The following ADGRA3 variants were observed in gnomAD, a reference collection of about 807,000 sequenced individuals.
The protein encoded by ADGRA3 is adhesion G protein-coupled receptor A3.
A neutral mutation model predicts 119.8 loss-of-function variants in ADGRA3; 56 were observed. The observed-to-expected ratio is 0.47, with a 90% CI of 0.38 to 0.58. The LOEUF (loss-of-function observed/expected upper bound fraction) is 0.58, where lower values mean the gene tolerates loss of function less well. Ranked by LOEUF, ADGRA3 falls within the 20% of genes least tolerant of loss-of-function variation. ADGRA3 has a pLI of 0.00. For synonymous variants in ADGRA3, 607 were observed against 623.8 expected, an observed-to-expected ratio of 0.97 and a Z score of 0.40; for missense variants, 1,516 against 1,649.0, an observed-to-expected ratio of 0.92 and a Z score of 1.40.
chr4:22,513,581 G>C (rs1055183582), intron 1 of ADGRA3, among the ~76,000 whole-genome samples: 7 of 148,102 alleles, frequency 4.7e-5, no homozygotes, highest in African/African-American at 1.0e-4. Flanking sequence ...GTGCGATTTC[G>C]GCTCACTGCA....
chr4:22,430,655 T>C (rs1044134187), intron 10 of ADGRA3, among the ~76,000 whole-genome samples: 1 of 150,072 alleles, frequency 6.7e-6, no homozygotes, highest in African/African-American at 2.5e-5. Flanking sequence ...GACAATGTGA[T>C]AGAAAAAAAA....
chr4:22,489,113 C>T (rs975156779), intron 1 of ADGRA3, among the ~76,000 whole-genome samples: 13 of 152,032 alleles, frequency 8.6e-5, no homozygotes, highest in African/African-American at 2.7e-4. Context: ...CTGGGGAGGC[C>T]TCATAATCAT....
intron 2 of ADGRA3, among the ~76,000 whole-genome samples, chr4:22,462,938 G>T (rs1227445477): frequency 2.0e-5 from 3 of 152,168 alleles, no homozygotes; most frequent in Non-Finnish European, 2.9e-5. Context: ...GACCTCTGTG[G>T]AGAGCTGACA....
At chr4:22,401,986 C>T (rs763787632) in intron 15 of ADGRA3, among the ~76,000 whole-genome samples, 7 of 152,056 alleles carry the variant, frequency 4.6e-5, no homozygotes, top group South Asian at 2.1e-4. Context: ...TCTTCCTGGA[C>T]TTTCATAATA....
chr4:22,507,484 T>TAC (rs1719283667), intron 1 of ADGRA3, among the ~76,000 whole-genome samples: 1 of 152,188 alleles, frequency 6.6e-6, no homozygotes, highest in Non-Finnish European at 1.5e-5. Context: ...CAGGAGTTTT[T>TAC]ACTTCTGTCT....
chr4:22,462,180 A>T (rs150408963), intron 2 of ADGRA3, among the ~76,000 whole-genome samples: 180 of 152,364 alleles, frequency 1.2e-3, no homozygotes, highest in African/African-American at 4.1e-3. Flanking sequence ...TACAATTGTG[A>T]CAAACATCAT....
intron 2 of ADGRA3, among the ~76,000 whole-genome samples, chr4:22,468,286 T>A (rs1717735118): frequency 6.6e-6 from 1 of 152,142 alleles, no homozygotes; most frequent in South Asian, 2.1e-4. Context: ...ACAGACTCTG[T>A]CAATAGCTGG....
intron 16 of ADGRA3, among the ~76,000 whole-genome samples, chr4:22,396,162 T>C (rs1389798200): frequency 6.6e-6 from 1 of 152,152 alleles, no homozygotes; most frequent in African/African-American, 2.4e-5. Flanking sequence ...TTGCACTTCG[T>C]CACTCAACTT....
chr4:22,497,083 T>C (rs1718854535), intron 1 of ADGRA3, among the ~76,000 whole-genome samples: 1 of 152,170 alleles, frequency 6.6e-6, no homozygotes, highest in South Asian at 2.1e-4. Context: ...AAAACAAGCC[T>C]GCCCACTTAG....
Position 22,391,275 on chromosome 4 carries a change from C to T in ADGRA3, c.2627+1270G>A, listed in dbSNP as rs149674903. Among the ~76,000 whole-genome samples, 400 of 152,208 alleles carry T rather than the reference C, an allele frequency of 2.6e-3. 3 individuals are homozygous for T. The highest frequency in any genetic ancestry group is 8.9e-3 in the African/African-American group (370 of 41,532). Reference sequence around the variant, plus strand: ...AATGTAAACATTCCACAAGAAAGTACTGAGGAGCCTGCCACCCCATTTCCC... The same window carrying T: ...AATGTAAACATTCCACAAGAAAGTATTGAGGAGCCTGCCACCCCATTTCCC... On this transcript the variant is annotated intron_variant, in intron 17 of 18. Transcript: ENST00000334304.
At chr4:22,509,266 G>A (rs899007374) in intron 1 of ADGRA3, among the ~76,000 whole-genome samples, 2 of 152,032 alleles carry the variant, frequency 1.3e-5, no homozygotes, top group Non-Finnish European at 2.9e-5. Context: ...ACTTTGGGAG[G>A]CCGAGGCGGG....
At chr4:22,435,146 A>G (rs1716342959) in intron 10 of ADGRA3, among the ~76,000 whole-genome samples, 165 bp downstream of exon 10, 1 of 152,226 alleles carries the variant, frequency 6.6e-6, no homozygotes, top group Non-Finnish European at 1.5e-5. Flanking sequence ...CAAACAGGTC[A>G]TAAGAGAAGA....
intron 8 of ADGRA3, among the ~76,000 whole-genome samples, chr4:22,437,358 A>T (rs1326431520): frequency 6.6e-6 from 1 of 152,204 alleles, no homozygotes; most frequent in Non-Finnish European, 1.5e-5. Context: ...TTGGATTTAA[A>T]AGATTAACAC....
intron 9 of ADGRA3, among the ~76,000 whole-genome samples, chr4:22,436,137 A>G (rs1045092979): frequency 6.6e-6 from 1 of 152,130 alleles, no homozygotes; most frequent in Non-Finnish European, 1.5e-5. Context: ...AATGAATCCA[A>G]GAGGTGGCTT....
intron 17 of ADGRA3, among the ~76,000 whole-genome samples, chr4:22,389,527 T>A (rs1577317262): frequency 6.6e-6 from 1 of 151,684 alleles, no homozygotes; most frequent in African/African-American, 2.4e-5. Flanking sequence ...TAGCAGGAAC[T>A]GGCTTCTTTT....
At chr4:22,447,371 T>C (rs1716866946) in intron 5 of ADGRA3, 69 bp downstream of exon 5, 6 of 954,538 alleles carry the variant, frequency 6.3e-6, no homozygotes, top group Admixed American at 2.4e-5. Context: ...AACCACATAA[T>C]AAATGTTTTT....
intron 14 of ADGRA3, among the ~76,000 whole-genome samples, chr4:22,409,268 C>T (rs1040620114): frequency 6.6e-6 from 1 of 152,162 alleles, no homozygotes; most frequent in African/African-American, 2.4e-5. Flanking sequence ...GAATTTGTCT[C>T]ACAGATGCTC....
intron 1 of ADGRA3, among the ~76,000 whole-genome samples, chr4:22,508,469 G>GTT (rs1719320887): frequency 6.6e-6 from 1 of 152,186 alleles, no homozygotes; most frequent in South Asian, 2.1e-4. Context: ...TGTTTACAAC[G>GTT]TAACACTGCC....
Position 22,473,835 on chromosome 4 carries a change from C to T in ADGRA3, c.266G>A (p.Ser89Asn). ...CTTCAGCTCGGATATCTTATTGTTA[C>T]TCAGAATCCTAAAAAATACCAAAAA... ...LPNRTVTLIL[S>N]NNKISELKNG... The change falls in exon 2 of 19, where the codon AGT becomes AAT. Residue 89 changes from serine (S) to asparagine (N), a missense_variant. Transcript: ENST00000334304. The T allele has an allele frequency of 6.2e-7, 1 of 1,600,768 alleles. No homozygotes were observed. The highest frequency in any genetic ancestry group is 8.5e-7 in the Non-Finnish European group (1 of 1,171,394).
Sources: allele counts gnomAD v4.1 joint callset (sites outside exome capture counted in the v4.1 genomes callset), GRCh38; gene constraint gnomAD v4.1.1; transcripts MANE v1.5; gene names NCBI Gene and HGNC (gene_info 2026-07-23, HGNC 2026-07-21).